NUBPL: variants seen among roughly 807,000 people sequenced by gnomAD.
NUBPL encodes the protein NUBP iron-sulfur cluster assembly factor, mitochondrial, also known as iron-sulfur cluster transfer protein NUBPL.
NUBPL carries 31 observed loss-of-function variants against 45.7 expected under a neutral mutation model. That is an observed-to-expected ratio of 0.68 (90% CI 0.51 to 0.92). The LOEUF (loss-of-function observed/expected upper bound fraction) is 0.92. Among genes scored for constraint, NUBPL ranks in the 40% least tolerant of loss-of-function variants. The pLI is 0.00. For missense variants in NUBPL, 401 were observed against 398.7 expected, an observed-to-expected ratio of 1.01 and a Z score of -0.05; for synonymous variants, 144 against 140.9, an observed-to-expected ratio of 1.02 and a Z score of -0.15.
At chr14:31,777,817 T>A (rs2039123511) in intron 6 of NUBPL, among the ~76,000 whole-genome samples, 2 of 152,212 alleles carry the variant, frequency 1.3e-5, no homozygotes, top group South Asian at 4.2e-4. Context: ...CCCTGTGCAG[T>A]GAGGTGTTAA....
chr14:31,756,960 A>G (rs2038680257), intron 6 of NUBPL, among the ~76,000 whole-genome samples: 1 of 150,468 alleles, frequency 6.6e-6, no homozygotes, highest in South Asian at 2.1e-4. Flanking sequence ...TGAGATAATC[A>G]TGTGGTTTTT....
At chr14:31,836,348 A>T (rs1040022826) in intron 8 of NUBPL, among the ~76,000 whole-genome samples, 2 of 152,208 alleles carry the variant, frequency 1.3e-5, no homozygotes, top group Admixed American at 1.3e-4. Flanking sequence ...AAAATGATTG[A>T]GCATGCTTAC....
chr14:31,602,746 C>G (rs971867511), intron 4 of NUBPL, among the ~76,000 whole-genome samples: 3 of 151,910 alleles, frequency 2.0e-5, no homozygotes, highest in Admixed American at 6.6e-5. Flanking sequence ...ATTATTGTCT[C>G]TTTATATTAA....
At chr14:31,620,187 T>G (rs532447094) in intron 4 of NUBPL, among the ~76,000 whole-genome samples, 3 of 152,150 alleles carry the variant, frequency 2.0e-5, no homozygotes, top group South Asian at 2.1e-4. Flanking sequence ...CATCTGACGT[T>G]TTTTCAAGGT....
intron 4 of NUBPL, among the ~76,000 whole-genome samples, chr14:31,623,610 A>G (rs370989302): frequency 1.6e-4 from 24 of 152,232 alleles, no homozygotes; most frequent in South Asian, 8.3e-4. Flanking sequence ...GCCATGTAGG[A>G]CGTGCTTTGC....
At chr14:31,571,205 A>G (rs537858482) in intron 3 of NUBPL, among the ~76,000 whole-genome samples, 1 of 152,088 alleles carries the variant, frequency 6.6e-6, no homozygotes, top group South Asian at 2.1e-4. Flanking sequence ...AGGCTTCCTT[A>G]TATGGCTGTG....
intron 7 of NUBPL, among the ~76,000 whole-genome samples, chr14:31,806,082 A>G (rs954195904): frequency 6.6e-6 from 1 of 152,176 alleles, no homozygotes; most frequent in Non-Finnish European, 1.5e-5. Context: ...CAAATCCCAC[A>G]GTTTAAAAAG....
intron 4 of NUBPL, among the ~76,000 whole-genome samples, chr14:31,612,418 A>T (rs1446472050): frequency 6.6e-6 from 1 of 152,208 alleles, no homozygotes; most frequent in African/African-American, 2.4e-5. Flanking sequence ...TAATCCCAGC[A>T]CTTGGGAGGC....
intron 3 of NUBPL, among the ~76,000 whole-genome samples, chr14:31,569,844 C>T (rs893350142): frequency 6.6e-5 from 10 of 152,190 alleles, no homozygotes; most frequent in Admixed American, 1.3e-4. Context: ...TAATGGTACC[C>T]ACTGATCTTA....
At chr14:31,744,539 T>C (rs188419379) in intron 6 of NUBPL, among the ~76,000 whole-genome samples, 9 of 151,948 alleles carry the variant, frequency 5.9e-5, no homozygotes, top group Admixed American at 5.2e-4. Context: ...TCTCAGAATT[T>C]AGATTATTTT....
chr14:31,676,573 TA>T (rs2036704519), intron 6 of NUBPL, among the ~76,000 whole-genome samples: 1 of 152,054 alleles, frequency 6.6e-6, no homozygotes, highest in Non-Finnish European at 1.5e-5. Flanking sequence ...ACATTTGTGT[TA>T]ACATTTGGTG....
chr14:31,599,341 A>G lies in NUBPL; in HGVS notation c.344A>G (p.Lys115Arg), dbSNP rs1182011201. The G allele has an allele frequency of 6.2e-7, 1 of 1,612,962 alleles. No homozygotes were observed. The highest frequency in any genetic ancestry group is 8.5e-7 in the Non-Finnish European group (1 of 1,179,364). ...DVDVYGPSVPKMMNLKGNPEL... is the reference protein window; with the variant it reads ...DVDVYGPSVPRMMNLKGNPEL... ...GATGTGTATGGACCTTCAGTTCCAA[A>G]GATGATGAATCTGAAAGGAAATCCG... Residue 115 changes from lysine to arginine, a missense_variant, in exon 4 of 11, where the codon AAG becomes AGG. Transcript: ENST00000281081.
intron 7 of NUBPL, among the ~76,000 whole-genome samples, chr14:31,820,133 C>A (rs2039990695): frequency 9.4e-6 from 1 of 106,500 alleles, no homozygotes; most frequent in African/African-American, 4.6e-5. Context: ...GAGCGAGACT[C>A]CATCTCAAAA....
intron 6 of NUBPL, among the ~76,000 whole-genome samples, chr14:31,755,231 G>A (rs2038631802): frequency 6.6e-6 from 1 of 151,958 alleles, no homozygotes; most frequent in South Asian, 2.1e-4. Context: ...GGATGGCTGG[G>A]TCAAATGGTA....
At chr14:31,608,618 AAGGTACAAAACTC>A (rs1306765068) in intron 4 of NUBPL, among the ~76,000 whole-genome samples, 1 of 152,210 alleles carries the variant, frequency 6.6e-6, no homozygotes, top group Non-Finnish European at 1.5e-5. Context: ...TAATCACCTG[AAGGTACAAAACTC>A]ACTCGTAATA....
At chr14:31,751,023 T>C (rs565261994) in intron 6 of NUBPL, among the ~76,000 whole-genome samples, 1 of 152,166 alleles carries the variant, frequency 6.6e-6, no homozygotes, top group Admixed American at 6.5e-5. Context: ...TTTTAAACCA[T>C]CAGATTTCAT....
chr14:31,570,351 G>A (rs1595292634), intron 3 of NUBPL, among the ~76,000 whole-genome samples: 1 of 152,238 alleles, frequency 6.6e-6, no homozygotes, highest in East Asian at 1.9e-4. Context: ...AGACACCAGT[G>A]TACTCTTAAA....
intron 7 of NUBPL, among the ~76,000 whole-genome samples, chr14:31,807,527 T>G (rs1251671772): frequency 6.6e-6 from 1 of 152,204 alleles, no homozygotes; most frequent in East Asian, 1.9e-4. Context: ...TATTAGCCCT[T>G]TGTCAGATGA....
intron 6 of NUBPL, among the ~76,000 whole-genome samples, chr14:31,712,633 C>T (rs1403457881): frequency 5.3e-5 from 8 of 152,218 alleles, no homozygotes; most frequent in African/African-American, 1.7e-4. Flanking sequence ...GAGAGGATGC[C>T]GAGGCCAAGG....
Sources: allele counts gnomAD v4.1 joint callset (sites outside exome capture counted in the v4.1 genomes callset), GRCh38; gene constraint gnomAD v4.1.1; transcripts MANE v1.5; gene names NCBI Gene and HGNC (gene_info 2026-07-23, HGNC 2026-07-21).